EXOC1: variants seen among roughly 807,000 people sequenced by gnomAD.
EXOC1 encodes the protein SEC3-like 1.
EXOC1 carries 67 observed loss-of-function variants against 107.7 expected under a neutral mutation model. The observed-to-expected ratio is 0.62, with a 90% CI of 0.51 to 0.76. The LOEUF is 0.76. Among genes scored for constraint, EXOC1 ranks in the 30% least tolerant of loss-of-function variants. The probability of loss-of-function intolerance (pLI) is 0.00; values close to 1 mark genes in which losing one functional copy is unlikely to be tolerated. For missense variants in EXOC1, 833 were observed against 1,055.7 expected (o/e 0.79, Z 2.92); for synonymous variants, 348 against 353.5 (o/e 0.98, Z 0.17).
chr4:55,863,656 A>G (rs1721686595), intron 3 of EXOC1, among the ~76,000 whole-genome samples: 1 of 152,180 alleles, frequency 6.6e-6, no homozygotes, highest in African/African-American at 2.4e-5. Context: ...TTTAGCTTTC[A>G]AGATATCTTT....
Position 55,904,378 on chromosome 4 carries a change from C to T in EXOC1, c.2568C>T (p.Arg856=). ...ACTCCATGCAAGATGAATTTATACG[C>T]CAGTATAAGCACTTTGAAGGTTTGA... ...VWHSMQDEFI[R]QYKHFEGLIA... is the part of the protein sequence containing the mutation. Residue 856 remains arginine (R), a synonymous_variant, in exon 19 of 19, where the codon CGC becomes CGT. Coordinates refer to ENST00000381295, the MANE Select transcript of EXOC1 (RefSeq NM_001024924.2). 1.9e-6 allele frequency: 3 copies of T among 1,610,158 alleles called. No individual in the cohort carries two copies. The highest frequency in any genetic ancestry group is 2.5e-6 in the Non-Finnish European group (3 of 1,178,868).
At chr4:55,892,225 G>A (rs1724642918) in intron 13 of EXOC1, among the ~76,000 whole-genome samples, 1 of 152,060 alleles carries the variant, frequency 6.6e-6, no homozygotes, top group Non-Finnish European at 1.5e-5. Flanking sequence ...TTTTTTTAAT[G>A]CTGAAGTTCT....
At chr4:55,889,823 A>T (rs573507462) in intron 11 of EXOC1, among the ~76,000 whole-genome samples, 8 of 152,302 alleles carry the variant, frequency 5.3e-5, no homozygotes, top group East Asian at 1.9e-4. Flanking sequence ...TAACAAAGTC[A>T]TGCTGGCTAA....
intron 2 of EXOC1, 104 bp from the exon 3 acceptor site, chr4:55,860,307 T>A: frequency 1.4e-6 from 2 of 1,411,634 alleles, no homozygotes; most frequent in Admixed American, 3.8e-5. Flanking sequence ...ACACCTCTTT[T>A]AGTATCAGCT....
Position 55,871,166 on chromosome 4 carries a change from A to G in EXOC1, c.897A>G (p.Arg299=), listed in dbSNP as rs559479724. Residue 299 remains arginine, a synonymous_variant, in exon 7 of 19, where the codon AGA becomes AGG. Transcript: ENST00000381295. ...ALQEGDLASS[R]GIEACTNAAD... The stretch of plus-strand genomic sequence containing the variant: ...AGGAAGGAGATCTTGCTTCTTCCAG[A>G]GGCATTGAGGCCTGCACCAATGCTG... 2.5e-6 allele frequency: 4 copies of G among 1,613,902 alleles called. No homozygotes were observed. In the East Asian group the frequency reaches 6.7e-5, roughly 27 times the overall value.
At chr4:55,891,251 TG>T in intron 12 of EXOC1, 63 bp from the exon 13 acceptor site, 1 of 952,374 alleles carries the variant, frequency 1.1e-6, no homozygotes, top group Non-Finnish European at 1.7e-6. Context: ...AAATTAAATG[TG>T]GAGTGTTATT....
chr4:55,888,434 T>C (rs1418940007), intron 10 of EXOC1, among the ~76,000 whole-genome samples: 3 of 152,152 alleles, frequency 2.0e-5, no homozygotes, highest in African/African-American at 7.2e-5. Flanking sequence ...ATTTAGTCAG[T>C]GGAGAATCCT....
At chr4:55,903,378 C>T (rs943058342) in intron 18 of EXOC1, among the ~76,000 whole-genome samples, 1 of 152,142 alleles carries the variant, frequency 6.6e-6, no homozygotes, top group African/African-American at 2.4e-5. Flanking sequence ...AGGGATATTG[C>T]ATTGTTTGTT....
chr4:55,897,906 G>A (rs989030023), intron 16 of EXOC1, among the ~76,000 whole-genome samples: 5 of 152,140 alleles, frequency 3.3e-5, no homozygotes, highest in South Asian at 2.1e-4. Flanking sequence ...ATGAGCCACC[G>A]TGTCCAGCCT....
At chr4:55,882,918 T>C (rs1427110527) in intron 9 of EXOC1, 2 of 152,160 alleles carry the variant, frequency 1.3e-5, no homozygotes, top group Admixed American at 1.3e-4. Context: ...TATTTAAATT[T>C]AGTCAAATTC....
In EXOC1 at chr4:55,870,795, A is replaced by C; in HGVS notation, c.721A>C (p.Met241Leu). 1 of 1,613,882 alleles carries C rather than the reference A, an allele frequency of 6.2e-7. No homozygotes were observed. Among genetic ancestry groups the C allele is most frequent in the Admixed American group, 1.7e-5 (1 of 60,000 alleles). The change falls in exon 6 of 19, where the codon ATG becomes CTG. Residue 241 changes from methionine (M) to leucine (L), a missense_variant. Met to Leu is a conservative substitution (Grantham distance 15). This residue lies in a region of EXOC1 where 617 missense variants were observed against 701.3 expected (regional missense o/e 0.88). Transcript: ENST00000381295. Reference sequence around the variant, plus strand: ...ATTGAAACTGAGCAGTTATGAGGAAATGCTCCAAAGTGTAAAAGAACAAAT... The same window carrying C: ...ATTGAAACTGAGCAGTTATGAGGAACTGCTCCAAAGTGTAAAAGAACAAAT... ...IELKLSSYEE[M>L]LQSVKEQMDQ... is the part of the protein sequence containing the mutation.
chr4:55,894,921 T>C (rs2109478450), intron 15 of EXOC1, among the ~76,000 whole-genome samples: 1 of 152,190 alleles, frequency 6.6e-6, no homozygotes, highest in African/African-American at 2.4e-5. Context: ...CGGCCATCTA[T>C]CCATTACATT....
intron 1 of EXOC1, among the ~76,000 whole-genome samples, chr4:55,855,883 A>G (rs910537008): frequency 1.3e-5 from 2 of 152,218 alleles, no homozygotes; most frequent in African/African-American, 4.8e-5. Flanking sequence ...ACACTCTATA[A>G]TAAGCCAAAA....
Position 55,868,588 on chromosome 4 carries a change from A to G in EXOC1, c.603+65A>G, listed in dbSNP as rs3213949. 97 of 1,434,678 alleles carry G rather than the reference A, an allele frequency of 6.8e-5. No homozygotes were observed. The East Asian group carries it at 1.6e-3, about 24-fold the overall frequency. The allele number at this position is 1,434,678 out of a possible 1,614,324, so 88.9% of individuals were successfully genotyped here. ...TGGATTGAGAAGGCTAATGATGTTC[A>G]TATTATACTACCTCAGCACTTAAGC... On this transcript the variant is annotated intron_variant, in intron 5 of 18. Transcript: ENST00000381295.
chr4:55,864,888 A>G (rs1721814548), intron 4 of EXOC1, among the ~76,000 whole-genome samples: 1 of 152,182 alleles, frequency 6.6e-6, no homozygotes, highest in South Asian at 2.1e-4. Context: ...GTATTTTTGT[A>G]CAGAGGGTAG....
chr4:55,887,331 A>G (rs750738799), intron 10 of EXOC1, among the ~76,000 whole-genome samples: 5 of 152,154 alleles, frequency 3.3e-5, no homozygotes, highest in Non-Finnish European at 7.3e-5. Flanking sequence ...TACAATGCTG[A>G]ATTCAGGGAT....
chr4:55,880,169 T>G (rs1345099253), intron 9 of EXOC1, among the ~76,000 whole-genome samples: 1 of 152,164 alleles, frequency 6.6e-6, no homozygotes, highest in African/African-American at 2.4e-5. Context: ...TCAGTTTTCA[T>G]GTATTTTCTC....
In EXOC1 at chr4:55,857,095, C is replaced by T. The variant is rs1223096790; in HGVS notation, c.-10-1219C>T. On this transcript the variant is annotated intron_variant, in intron 1 of 18. Transcript: ENST00000381295. The stretch of plus-strand genomic sequence containing the variant: ...AATACGTGGTCTTTTGTGGCTGACT[C>T]CTTTCACTTAGCATAATCTTTTCAA... 3.0e-4 allele frequency among the ~76,000 whole-genome samples: 45 copies of T among 151,468 alleles called. 1 individual carries two copies. Among genetic ancestry groups the T allele is most frequent in the Admixed American group, 3.0e-3 (45 of 15,184 alleles).
chr4:55,864,234 C>T lies in EXOC1; in HGVS notation c.263C>T (p.Pro88Leu), dbSNP rs757517753. 5.8e-6 allele frequency: 9 copies of T among 1,544,570 alleles called. No individual in the cohort carries two copies. The Admixed American group carries it at 1.7e-4, about 30-fold the overall frequency. The change falls in exon 4 of 19, where the codon CCT (proline) becomes CTT (leucine). Residue 88 changes from proline to leucine, a missense_variant. This residue lies in a region of EXOC1 where 617 missense variants were observed against 701.3 expected (regional missense o/e 0.88). Transcript: ENST00000381295. ...TGTATATTTTTATTTTAGGAAAATC[C>T]TGAATTTGATTTACACTTTGAAAAA... ...VDAKDAIKEN[P>L]EFDLHFEKIY...
Sources: gnomAD v4.1 joint callset for allele counts (sites outside exome capture counted in the v4.1 genomes callset) on GRCh38, gnomAD v4.1.1 for gene constraint, gnomAD v4.1.1 regional missense constraint, MANE v1.5 for transcripts, NCBI Gene and HGNC (gene_info 2026-07-23, HGNC 2026-07-21) for gene names.